GPR19: variants seen among roughly 807,000 people sequenced by gnomAD.
GPR19 encodes G protein-coupled receptor 19.
GPR19 carries 14 observed loss-of-function variants against 28.5 expected under a neutral mutation model. The observed-to-expected ratio is 0.49, with a 90% CI of 0.32 to 0.77. The LOEUF is 0.77. Among genes scored for constraint, GPR19 ranks in the 30% least tolerant of loss-of-function variants. The pLI is 0.03. For synonymous variants in GPR19, 173 were observed against 184.1 expected (o/e 0.94, Z 0.49); for missense variants, 409 against 504.1 (o/e 0.81, Z 1.81).
At chr12:12,704,906 G>T in the GPR19 span, among the ~76,000 whole-genome samples, 13 of 152,248 alleles carry the variant, frequency 8.5e-5, no homozygotes, top group East Asian at 2.5e-3. Context: ...AGTAAAGGAA[G>T]GGAAGGAAAA....
At chr12:12,692,317 T>C (rs950244969) in intron 2 of GPR19, among the ~76,000 whole-genome samples, 1 of 152,226 alleles carries the variant, frequency 6.6e-6, no homozygotes, top group African/African-American at 2.4e-5. Flanking sequence ...TTTTCCCTGC[T>C]GAAGTCTATT....
At chr12:12,678,652 A>G (rs1444239041) in intron 3 of GPR19, among the ~76,000 whole-genome samples, 2 of 152,208 alleles carry the variant, frequency 1.3e-5, no homozygotes, top group Non-Finnish European at 2.9e-5. Flanking sequence ...CCCCAATTTG[A>G]AGATTTATTT....
chr12:12,665,984 G>A (rs1282782871), intron 3 of GPR19, among the ~76,000 whole-genome samples: 1 of 152,098 alleles, frequency 6.6e-6, no homozygotes, highest in Non-Finnish European at 1.5e-5. Flanking sequence ...CCGGGTAAGG[G>A]GAAGAAAAGG....
In GPR19 at chr12:12,661,704, A is replaced by G; in HGVS notation, c.745T>C (p.Tyr249His). 6.2e-7 allele frequency: 1 copy of G among 1,614,176 alleles called. No homozygotes were observed. ...IILFYQKVIK[Y>H]IWRIGTDGRT... ...CCATCTGTGCCTATTCTCCAAATAT[A>G]TTTTATGACCTTTTGGTAAAATAAA... The change falls in exon 4 of 4, where the codon TAT (tyrosine) becomes CAT (histidine). Residue 249 changes from tyrosine to histidine, a missense_variant. Tyr to His is a moderately conservative substitution (Grantham distance 83, BLOSUM62 2). Coordinates refer to ENST00000651487, the MANE Select transcript of GPR19 (RefSeq NM_006143.3). This position sits in a 1 kb window ranked among gnomAD's most constrained non-coding sequence, Gnocchi z 4.2.
intron 3 of GPR19, 136 bp downstream of exon 3, chr12:12,684,215 G>C (rs537386145): frequency 6.6e-6 from 1 of 152,172 alleles, no homozygotes; most frequent in East Asian, 1.9e-4. Context: ...CATCTTTTCT[G>C]GACTGGTAAC....
At chr12:12,703,991 A>G in the GPR19 span, among the ~76,000 whole-genome samples, 5 of 152,240 alleles carry the variant, frequency 3.3e-5, no homozygotes, top group Non-Finnish European at 5.9e-5. Context: ...AGTCAAAGTG[A>G]GTAAGTCATA....
rs553497228 is a variant in GPR19, at chr12:12,670,299, T to A, written c.-22-7829A>T. On this transcript the variant is annotated intron_variant, in intron 3 of 3. Coordinates refer to ENST00000651487, the MANE Select transcript of GPR19 (RefSeq NM_006143.3). The stretch of plus-strand genomic sequence containing the variant: ...GTGTCCTGTATTTTCATTTGTTAAA[T>A]CTGGCAAACCTACACCCAGAATGTA... Among the ~76,000 whole-genome samples the A allele has an allele frequency of 2.6e-5, 4 of 152,326 alleles. No individual in the cohort carries two copies. In the South Asian group the frequency reaches 8.3e-4, roughly 32 times the overall value.
At chr12:12,707,947 G>T in the GPR19 span, among the ~76,000 whole-genome samples, 1 of 128,770 alleles carries the variant, frequency 7.8e-6, no homozygotes, top group Non-Finnish European at 1.6e-5. Flanking sequence ...ATTAAATTAT[G>T]TGTGTGATCA....
At chr12:12,662,713 T>C (rs1401651195) in intron 3 of GPR19, among the ~76,000 whole-genome samples, 5 of 152,346 alleles carry the variant, frequency 3.3e-5, no homozygotes, top group Middle Eastern at 3.4e-3. Flanking sequence ...CCTCACCTTC[T>C]CTTGACCCTT....
At chr12:12,672,277 C>T (rs1157799774) in intron 3 of GPR19, among the ~76,000 whole-genome samples, 2 of 152,136 alleles carry the variant, frequency 1.3e-5, no homozygotes, top group Non-Finnish European at 1.5e-5. Flanking sequence ...TGACCACCCC[C>T]ACGGATGTAT....
At chr12:12,710,094 G>A in the GPR19 span, among the ~76,000 whole-genome samples, 1 of 152,162 alleles carries the variant, frequency 6.6e-6, no homozygotes, top group Non-Finnish European at 1.5e-5. Context: ...GCTCACACCT[G>A]TAATCCCAGC....
At chr12:12,678,136 G>A (rs186307866) in intron 3 of GPR19, among the ~76,000 whole-genome samples, 99 of 142,266 alleles carry the variant, frequency 7.0e-4, no homozygotes, top group Admixed American at 1.4e-3. Context: ...TTCTTCTTCA[G>A]AGACACATCA....
intron 3 of GPR19, among the ~76,000 whole-genome samples, chr12:12,664,114 C>G (rs1015093095): frequency 7.2e-5 from 11 of 152,106 alleles, no homozygotes; most frequent in African/African-American, 2.2e-4. Flanking sequence ...CTCAGCCTCT[C>G]GAGTAGTTGG....
At chr12:12,698,736 G>A (rs1315037433), upstream of GPR19, among the ~76,000 whole-genome samples, 8 of 151,826 alleles carry the variant, frequency 5.3e-5, no homozygotes, top group Non-Finnish European at 8.8e-5. Context: ...TCAGCCTCCC[G>A]AGTAGCTGGG....
At chr12:12,716,437 G>A in the GPR19 span, among the ~76,000 whole-genome samples, 1 of 152,210 alleles carries the variant, frequency 6.6e-6, no homozygotes, top group African/African-American at 2.4e-5. Context: ...CTACAATCCC[G>A]GGAAAGAACA....
the GPR19 span, among the ~76,000 whole-genome samples, chr12:12,714,695 G>A: frequency 4.6e-5 from 7 of 152,076 alleles, no homozygotes; most frequent in Admixed American, 1.3e-4. Flanking sequence ...TTTTCCCCCT[G>A]GCTTACTCGC....
chr12:12,683,556 G>A (rs377154473), intron 3 of GPR19, among the ~76,000 whole-genome samples: 11 of 152,296 alleles, frequency 7.2e-5, no homozygotes, highest in Middle Eastern at 3.4e-3. Context: ...TAAAATGTGG[G>A]TAATAAAACC....
intron 3 of GPR19, among the ~76,000 whole-genome samples, chr12:12,663,410 C>T (rs1945711255): frequency 7.2e-6 from 1 of 138,038 alleles, no homozygotes; most frequent in South Asian, 2.4e-4. Flanking sequence ...GCCTGGGCAA[C>T]ATAGCAAGAC....
chr12:12,665,840 A>G (rs942553394), intron 3 of GPR19, among the ~76,000 whole-genome samples: 4 of 149,696 alleles, frequency 2.7e-5, no homozygotes, highest in Non-Finnish European at 6.0e-5. Context: ...AAAAAAAAAA[A>G]AAAAAAAAGA....
Sources: gnomAD v4.1 joint callset for allele counts (sites outside exome capture counted in the v4.1 genomes callset) on GRCh38, gnomAD v4.1.1 for gene constraint, Gnocchi (gnomAD v3.1) non-coding constraint, MANE v1.5 for transcripts, NCBI Gene and HGNC (gene_info 2026-07-23, HGNC 2026-07-21) for gene names.